PPP4R2: variants seen among roughly 807,000 people sequenced by gnomAD.
PPP4R2 encodes protein phosphatase 4 regulatory subunit 2.
In PPP4R2, 13 loss-of-function variants were observed where a neutral mutation model predicts 47.2. The ratio of observed to expected loss-of-function variants is 0.28; its 90% CI spans 0.18 to 0.44. The LOEUF (loss-of-function observed/expected upper bound fraction) is 0.44. Ranked by LOEUF, PPP4R2 falls within the 20% of genes least tolerant of loss-of-function variation. The pLI is 1.00. For missense variants in PPP4R2, 421 were observed against 491.2 expected, an observed-to-expected ratio of 0.86 and a Z score of 1.35; for synonymous variants, 151 against 163.3, an observed-to-expected ratio of 0.92 and a Z score of 0.57.
At chr3:73,013,265 A>G (rs1187692777) in intron 2 of PPP4R2, among the ~76,000 whole-genome samples, 3 of 152,114 alleles carry the variant, frequency 2.0e-5, no homozygotes, top group Non-Finnish European at 4.4e-5. Context: ...AAGTAGCTTT[A>G]AAAACTTGGA....
At position 73,067,488 on chromosome 3, in the gene PPP4R2, T is replaced by C. The variant is rs1703023841; in HGVS notation, c.*1766T>C. ...ATGATATATTTATGACTATGTCTAA[T>C]AGTTGAAATAAAATCTGAATATTGA... On this transcript the variant is annotated 3_prime_UTR_variant, in exon 9 of 9. Coordinates refer to ENST00000356692, the MANE Select transcript of PPP4R2 (RefSeq NM_174907.4). 6.6e-6 allele frequency: 1 copy of C among 152,172 alleles called. No homozygotes were observed. The highest frequency in any genetic ancestry group is 6.5e-5 in the Admixed American group (1 of 15,286). 9.4% of individuals were successfully genotyped at this position (152,172 alleles called of 1,614,324 possible). A position where few individuals can be genotyped will look rare whatever the true frequency, so the allele number is the denominator to read the frequency against.
intron 3 of PPP4R2, among the ~76,000 whole-genome samples, chr3:73,048,443 A>G (rs555530386): frequency 6.6e-6 from 1 of 151,758 alleles, no homozygotes; most frequent in East Asian, 2.0e-4. Context: ...TTTAATAGAG[A>G]TGGGGTTTCA....
chr3:73,026,318 A>C (rs1024480985), intron 2 of PPP4R2, among the ~76,000 whole-genome samples: 1 of 151,978 alleles, frequency 6.6e-6, no homozygotes, highest in Non-Finnish European at 1.5e-5. Context: ...CAAAGACCTT[A>C]CTTTTCCTTT....
rs114575063 is a variant in PPP4R2 at position 72,999,791 on chromosome 3, G to A, written c.116+1633G>A. Among the ~76,000 whole-genome samples, 1,051 of 152,274 alleles carry A rather than the reference G, an allele frequency of 6.9e-3. 7 individuals are homozygous for A. The highest frequency in any genetic ancestry group is 0.016 in the South Asian group (75 of 4,828). On this transcript the variant is annotated intron_variant, in intron 2 of 8. Coordinates refer to ENST00000356692, the MANE Select transcript of PPP4R2 (RefSeq NM_174907.4). ...TATTCGGTGTTTATGTATTCACTAA[G>A]CATGTTTTGTACTGAAATGATTGGT...
At chr3:73,065,199 TC>T in intron 8 of PPP4R2, 58 bp downstream of exon 8, 2 of 1,482,178 alleles carry the variant, frequency 1.3e-6, no homozygotes, top group Non-Finnish European at 1.8e-6. Flanking sequence ...TTCTTGTACT[TC>T]ATTTTTTTCG....
At chr3:73,037,675 T>C (rs550143915) in intron 2 of PPP4R2, among the ~76,000 whole-genome samples, 1 of 152,348 alleles carries the variant, frequency 6.6e-6, no homozygotes, top group Admixed American at 6.5e-5. Flanking sequence ...AAACACCTGC[T>C]TCTTGGCTTT....
intron 2 of PPP4R2, among the ~76,000 whole-genome samples, chr3:73,016,542 G>C (rs990600564): frequency 6.6e-6 from 1 of 152,004 alleles, no homozygotes; most frequent in Non-Finnish European, 1.5e-5. Context: ...TTTTCTTCTA[G>C]GACCTCTGAA....
At chr3:73,063,887 A>G (rs1048076380) in intron 6 of PPP4R2, 116 bp from the exon 7 acceptor site, 5 of 1,157,398 alleles carry the variant, frequency 4.3e-6, no homozygotes, top group Non-Finnish European at 6.3e-6. Flanking sequence ...TTGGTAAGGC[A>G]TGGGCCTGAA....
intron 2 of PPP4R2, among the ~76,000 whole-genome samples, chr3:73,004,863 GTGTGTGTTTGTTTGTT>G (rs1280127739): frequency 5.8e-5 from 3 of 51,426 alleles, no homozygotes; most frequent in African/African-American, 3.6e-4. Context: ...GTGTGTGTGT[GTGTGTGTTTGTTTGTT>G]TGTTTGTGTG....
chr3:73,001,524 T>G (rs1435356981), intron 2 of PPP4R2, among the ~76,000 whole-genome samples: 1 of 152,174 alleles, frequency 6.6e-6, no homozygotes, highest in Non-Finnish European at 1.5e-5. Flanking sequence ...CAGTGAGCCG[T>G]GATTGTGCCA....
At position 73,068,701 on chromosome 3, in the gene PPP4R2, T is replaced by TA. The variant is rs1283079270; in HGVS notation, c.*2980dup. On this transcript the variant is annotated 3_prime_UTR_variant, in exon 9 of 9. Transcript: ENST00000356692. ...TGTTTTGCCGGTGTAGATAGGCATG[T>TA]ATTTATGCATTTTTGCATTTGTAAA... 10 of 152,234 alleles carry TA rather than the reference T, an allele frequency of 6.6e-5. No individual in the cohort carries two copies. In the South Asian group the frequency reaches 1.0e-3, roughly 16 times the overall value. 9.4% of individuals were successfully genotyped at this position (152,234 alleles called of 1,614,324 possible). A position where few individuals can be genotyped will look rare whatever the true frequency, so the allele number is the denominator to read the frequency against.
At chr3:73,007,782 C>T (rs1701643155) in intron 2 of PPP4R2, among the ~76,000 whole-genome samples, 2 of 152,208 alleles carry the variant, frequency 1.3e-5, no homozygotes, top group South Asian at 4.1e-4. Context: ...AGCCACCGCG[C>T]CCGGCCTCTA....
rs1234160546 is a variant in PPP4R2 at position 73,068,059 on chromosome 3, C to T, written c.*2337C>T. On this transcript the variant is annotated 3_prime_UTR_variant, in exon 9 of 9. Transcript: ENST00000356692. The stretch of plus-strand genomic sequence containing the variant: ...TGTAGTTAAATTGGGAAACCTTGTT[C>T]AGCTGGTTTTAGATATTGATGGCCA... The T allele has an allele frequency of 6.6e-6, 1 of 152,074 alleles. No individual in the cohort carries two copies. Among genetic ancestry groups the T allele is most frequent in the African/African-American group, 2.4e-5 (1 of 41,418 alleles). 9.4% of individuals were successfully genotyped at this position (152,074 alleles called of 1,614,324 possible). A position where few individuals can be genotyped will look rare whatever the true frequency, so the allele number is the denominator to read the frequency against.
intron 5 of PPP4R2, chr3:73,063,107 G>C (rs1389482329): frequency 1.8e-6 from 1 of 563,516 alleles, no homozygotes; most frequent in East Asian, 3.3e-5. Flanking sequence ...CTGTCACCAC[G>C]AATGTTCCCA....
chr3:73,025,559 T>C (rs1264596893), intron 2 of PPP4R2, among the ~76,000 whole-genome samples: 3 of 152,098 alleles, frequency 2.0e-5, no homozygotes, highest in East Asian at 1.9e-4. Context: ...ACAAAGTGCT[T>C]TGGGAGCAGT....
chr3:73,022,607 A>G (rs1359123659), intron 2 of PPP4R2, among the ~76,000 whole-genome samples: 1 of 152,212 alleles, frequency 6.6e-6, no homozygotes, highest in Non-Finnish European at 1.5e-5. Flanking sequence ...CACAATTACA[A>G]ACTTCAGTAA....
chr3:73,013,514 C>T (rs533659822), intron 2 of PPP4R2, among the ~76,000 whole-genome samples: 1 of 152,128 alleles, frequency 6.6e-6, no homozygotes, highest in Non-Finnish European at 1.5e-5. Flanking sequence ...TATACTGTTA[C>T]CTATTTCTTG....
At chr3:73,014,550 G>C (rs1178405763) in intron 2 of PPP4R2, among the ~76,000 whole-genome samples, 5 of 151,906 alleles carry the variant, frequency 3.3e-5, no homozygotes, top group Non-Finnish European at 7.4e-5. Flanking sequence ...CTCCCACCTT[G>C]GCCTCCCAAA....
intron 2 of PPP4R2, among the ~76,000 whole-genome samples, chr3:73,004,004 T>C (rs954347605): frequency 2.7e-5 from 4 of 147,872 alleles, no homozygotes; most frequent in African/African-American, 1.0e-4. Context: ...CTGGCCTAAC[T>C]TTTGTATTTT....
Sources: gnomAD v4.1 joint callset for allele counts (sites outside exome capture counted in the v4.1 genomes callset) on GRCh38, gnomAD v4.1.1 for gene constraint, MANE v1.5 for transcripts, NCBI Gene and HGNC (gene_info 2026-07-23, HGNC 2026-07-21) for gene names.